The following TPM3 variants were observed in gnomAD, a reference collection of about 807,000 sequenced individuals.
TPM3 encodes the protein tropomyosin alpha-3 chain.
A neutral mutation model predicts 43.1 loss-of-function variants in TPM3; 16 were observed. The observed-to-expected ratio is 0.37, with a 90% CI of 0.25 to 0.56. The LOEUF is 0.56. Among genes scored for constraint, TPM3 ranks in the 20% least tolerant of loss-of-function variants. The pLI, the probability that TPM3 is intolerant of heterozygous loss-of-function variation, is 0.77. For synonymous variants in TPM3, 101 were observed against 116.9 expected (o/e 0.86, Z 0.88); for missense variants, 176 against 337.2 (o/e 0.52, Z 3.74).
At chr1:154,179,261 T>C (rs374579044) in intron 2 of TPM3, among the ~76,000 whole-genome samples, 4 of 152,074 alleles carry the variant, frequency 2.6e-5, no homozygotes, top group East Asian at 3.9e-4. Context: ...TGGAAGGGAG[T>C]AGAGCTATCT....
chr1:154,170,929 T>C (rs1040979456), intron 6 of TPM3: 1 of 589,624 alleles, frequency 1.7e-6, no homozygotes, highest in African/African-American at 1.9e-5. Flanking sequence ...TCTCCATGAC[T>C]TTTTAAGATG....
chr1:154,184,500 C>T (rs1191338881), intron 2 of TPM3, among the ~76,000 whole-genome samples: 1 of 151,452 alleles, frequency 6.6e-6, no homozygotes, highest in Admixed American at 6.6e-5. Flanking sequence ...TCAAAACCAG[C>T]CTGGGCAATA....
At position 154,166,633 on chromosome 1, in the gene TPM3, TA is replaced by T. The variant is rs1661003026; in HGVS notation, c.*1303del. 1 of 1,037,384 alleles carries T rather than the reference TA, an allele frequency of 9.6e-7. No individual in the cohort carries two copies. The highest frequency in any genetic ancestry group is 1.7e-5 in the African/African-American group (1 of 59,388). The allele number at this position is 1,037,384 out of a possible 1,614,324, so 64.3% of individuals were successfully genotyped here. A position where few individuals can be genotyped will look rare whatever the true frequency, so the allele number is the denominator to read the frequency against. Reference sequence around the variant, plus strand: ...CAACACTTACGTGCTTGGATTAGTATAATTCACAGCTATACTATTAAGAAAT... The same window carrying T: ...CAACACTTACGTGCTTGGATTAGTATATTCACAGCTATACTATTAAGAAAT... On this transcript the variant is annotated 3_prime_UTR_variant, in exon 10 of 10. Coordinates refer to ENST00000651641, the MANE Select transcript of TPM3 (RefSeq NM_152263.4).
chr1:154,160,400 G>A (rs1202722697), downstream of TPM3, among the ~76,000 whole-genome samples: 2 of 152,222 alleles, frequency 1.3e-5, no homozygotes, highest in African/African-American at 4.8e-5. Flanking sequence ...GGAAGCTAGA[G>A]ACCAGTATGG....
At chr1:154,188,985 A>AC (rs1301299912) in intron 2 of TPM3, among the ~76,000 whole-genome samples, 1 of 151,238 alleles carries the variant, frequency 6.6e-6, no homozygotes, top group Non-Finnish European at 1.5e-5. Context: ...ATAAAAAATT[A>AC]CCCGGGCATG....
downstream of TPM3, among the ~76,000 whole-genome samples, chr1:154,157,935 A>G (rs188786936): frequency 1.3e-5 from 2 of 152,160 alleles, no homozygotes; most frequent in African/African-American, 4.8e-5. Flanking sequence ...TGGGTGAGGG[A>G]GTTAGGGCCC....
At chr1:154,158,004 G>A (rs1391111095), downstream of TPM3, among the ~76,000 whole-genome samples, 1 of 152,160 alleles carries the variant, frequency 6.6e-6, no homozygotes, top group Non-Finnish European at 1.5e-5. Flanking sequence ...TTCAGTCAAT[G>A]AAAGAGCAAG....
chr1:154,173,713 A>C (rs1661880907), intron 3 of TPM3, among the ~76,000 whole-genome samples: 1 of 151,960 alleles, frequency 6.6e-6, no homozygotes, highest in African/African-American at 2.4e-5. Context: ...ATCCTGGCCA[A>C]GCGCAGTGGC....
chr1:154,185,709 GAAA>G (rs111472790), intron 2 of TPM3, among the ~76,000 whole-genome samples: 4 of 128,256 alleles, frequency 3.1e-5, no homozygotes, highest in Admixed American at 2.4e-4. Flanking sequence ...GACACAGTCT[GAAA>G]AAAAAAAAAA....
downstream of TPM3, among the ~76,000 whole-genome samples, chr1:154,161,437 CTTTT>C: frequency 8.8e-6 from 1 of 113,408 alleles, no homozygotes; most frequent in Non-Finnish European, 1.8e-5. Context: ...TATCAGGATC[CTTTT>C]TTTTTTTTTT....
At chr1:154,158,301 T>C (rs1209326453), downstream of TPM3, among the ~76,000 whole-genome samples, 2 of 152,182 alleles carry the variant, frequency 1.3e-5, no homozygotes, top group South Asian at 2.1e-4. Context: ...AACCTTGAGA[T>C]TGCTGCAGAG....
intron 2 of TPM3, among the ~76,000 whole-genome samples, chr1:154,179,611 G>C (rs116804990): frequency 6.6e-6 from 1 of 151,910 alleles, no homozygotes; most frequent in East Asian, 1.9e-4. Flanking sequence ...CCCCAGTGCC[G>C]ATACTCGCCC....
At chr1:154,169,668 A>C in intron 8 of TPM3, 1 of 533,554 alleles carries the variant, frequency 1.9e-6, no homozygotes, top group Non-Finnish European at 3.4e-6. Flanking sequence ...TCAAGAGGAT[A>C]CCACTCCCAT....
chr1:154,157,591 G>C, downstream of TPM3: 1 of 771,346 alleles, frequency 1.3e-6, no homozygotes, highest in Non-Finnish European at 2.4e-6. Flanking sequence ...GCCTCAGGCG[G>C]AGTCTGGGTC....
intron 2 of TPM3, among the ~76,000 whole-genome samples, chr1:154,187,660 T>G (rs550150980): frequency 6.6e-6 from 1 of 151,724 alleles, no homozygotes; most frequent in South Asian, 2.1e-4. Flanking sequence ...CAGGAAATCC[T>G]TTTATATTCC....
chr1:154,161,657 G>A (rs1224646115), downstream of TPM3, among the ~76,000 whole-genome samples: 4 of 151,666 alleles, frequency 2.6e-5, no homozygotes, highest in Non-Finnish European at 4.4e-5. Flanking sequence ...TGGCCAGGCT[G>A]GTCTTGAACT....
chr1:154,187,664 A>G (rs1663466294), intron 2 of TPM3, among the ~76,000 whole-genome samples: 1 of 151,528 alleles, frequency 6.6e-6, no homozygotes, highest in Admixed American at 6.6e-5. Context: ...AAATCCTTTT[A>G]TATTCCTAAT....
chr1:154,171,557 C>G (rs2148235757), intron 5 of TPM3, 69 bp from the exon 6 acceptor site: 3 of 1,536,406 alleles, frequency 2.0e-6, no homozygotes, highest in Non-Finnish European at 2.7e-6. Context: ...GGGAGAGAGA[C>G]ACATAGACGT....
intron 2 of TPM3, among the ~76,000 whole-genome samples, chr1:154,190,489 A>G (rs961325270): frequency 2.0e-5 from 3 of 152,084 alleles, no homozygotes; most frequent in Non-Finnish European, 4.4e-5. Context: ...ATTTTATTTG[A>G]GAATGGGAAA....
Sources: allele counts gnomAD v4.1 joint callset (sites outside exome capture counted in the v4.1 genomes callset), GRCh38; gene constraint gnomAD v4.1.1; transcripts MANE v1.5; gene names NCBI Gene and HGNC (gene_info 2026-07-23, HGNC 2026-07-21).